The following COL25A1 variants were observed in gnomAD, a reference collection of about 807,000 sequenced individuals.
The protein encoded by COL25A1 is collagen type XXV alpha 1 chain, also known as collagen alpha-1(XXV) chain.
In COL25A1, 103 loss-of-function variants were observed where a neutral mutation model predicts 128.4. The observed-to-expected ratio is 0.80, with a 90% CI of 0.68 to 0.94. COL25A1 has a LOEUF of 0.94. COL25A1 is among the 40% of genes least tolerant of loss of function. The pLI, the probability that COL25A1 is intolerant of heterozygous loss-of-function variation, is 0.00. For missense variants in COL25A1, 745 were observed against 840.0 expected (o/e 0.89, Z 1.40); for synonymous variants, 279 against 277.2 (o/e 1.01, Z -0.06).
chr4:109,220,679 T>C (rs551709473), intron 3 of COL25A1, among the ~76,000 whole-genome samples: 3 of 152,304 alleles, frequency 2.0e-5, no homozygotes, highest in South Asian at 2.1e-4. Context: ...ACTAAGATTA[T>C]AATAATAGGA....
chr4:109,230,692 G>T (rs1779105618), intron 3 of COL25A1, among the ~76,000 whole-genome samples: 1 of 152,088 alleles, frequency 6.6e-6, no homozygotes, highest in Non-Finnish European at 1.5e-5. Flanking sequence ...AAAATAAAAT[G>T]AAATAATAAA....
rs1027641152 is a variant in COL25A1, at chr4:109,157,606, T to G, written c.368-107427A>C. Reference sequence around the variant, plus strand: ...GATAATCACTTCTCTTAAGGAGAGATAGTAATACATTCAAAAGCATGTTAA... The same window carrying G: ...GATAATCACTTCTCTTAAGGAGAGAGAGTAATACATTCAAAAGCATGTTAA... On this transcript the variant is annotated intron_variant, in intron 3 of 37. Transcript: ENST00000399132. Among the ~76,000 whole-genome samples, 60 of 152,326 alleles carry G rather than the reference T, an allele frequency of 3.9e-4. 1 individual carries two copies. The highest frequency in any genetic ancestry group is 2.1e-4 in the South Asian group (1 of 4,830).
At position 109,050,320 on chromosome 4, in the gene COL25A1, A is replaced by T. The variant is rs940599433; in HGVS notation, c.368-141T>A. ...AAGGGATCAGATATTTGTAAAGGTC[A>T]GTATTGTCTTTAGTGTTTCAGCAAA... is the stretch of plus-strand genomic sequence containing the variant. On this transcript the variant is annotated intron_variant, in intron 3 of 37. Transcript: ENST00000399132. 4.3e-5 allele frequency: 26 copies of T among 603,502 alleles called. No individual in the cohort carries two copies. In the Middle Eastern group the frequency reaches 1.8e-3, roughly 43 times the overall value. The allele number at this position is 603,502 out of a possible 1,614,324, so 37.4% of individuals were successfully genotyped here. A position where few individuals can be genotyped will look rare whatever the true frequency, so the allele number is the denominator to read the frequency against.
intron 35 of COL25A1, chr4:108,823,918 A>T: frequency 7.2e-7 from 1 of 1,393,262 alleles, no homozygotes. Context: ...AATTGGTGTC[A>T]GGTGGTTGAA....
chr4:109,254,223 C>A (rs986710249), intron 3 of COL25A1, among the ~76,000 whole-genome samples: 10 of 151,558 alleles, frequency 6.6e-5, no homozygotes, highest in Admixed American at 2.0e-4. Context: ...TTCTTAATCA[C>A]TAACATAATT....
chr4:108,937,404 G>A (rs1022638083), intron 11 of COL25A1, among the ~76,000 whole-genome samples: 1 of 152,006 alleles, frequency 6.6e-6, no homozygotes, highest in Middle Eastern at 3.2e-3. Context: ...ATATTCAACA[G>A]TAGAAAAATT....
chr4:109,050,046 C>G, intron 4 of COL25A1, 89 bp downstream of exon 4: 1 of 1,084,700 alleles, frequency 9.2e-7, no homozygotes, highest in Non-Finnish European at 1.4e-6. Context: ...TAACCTCCAA[C>G]AAGACAATAT....
chr4:109,115,263 C>T (rs914837288), intron 3 of COL25A1, among the ~76,000 whole-genome samples: 1 of 151,988 alleles, frequency 6.6e-6, no homozygotes, highest in African/African-American at 2.4e-5. Context: ...TCTCCACTTC[C>T]AGATATTATT....
At chr4:108,875,758 C>A (rs879754693) in intron 19 of COL25A1, among the ~76,000 whole-genome samples, 1 of 152,170 alleles carries the variant, frequency 6.6e-6, no homozygotes, top group African/African-American at 2.4e-5. Flanking sequence ...AAGGCACATG[C>A]ACACATATGT....
At position 109,137,984 on chromosome 4, in the gene COL25A1, A is replaced by ATATGTGTGTGTGTGTGTGTGTG. The variant is rs547874075; in HGVS notation, c.368-87806_368-87805insCACACACACACACACACACATA. Among the ~76,000 whole-genome samples, 344 of 142,572 alleles carry ATATGTGTGTGTGTGTGTGTGTG rather than the reference A, an allele frequency of 2.4e-3. 1 individual carries two copies. The highest frequency in any genetic ancestry group is 3.4e-3 in the Admixed American group (47 of 13,930). The allele number at this position is 142,572 out of a possible 152,430, so 93.5% of individuals were successfully genotyped here. ...AACAGAAATTTCATTTTATATATAT[A>ATATGTGTGTGTGTGTGTGTGTG]TGTGTGTGTGTGTGTGTGTGTGTGT... On this transcript the variant is annotated intron_variant, in intron 3 of 37. Coordinates refer to ENST00000399132, the MANE Select transcript of COL25A1 (RefSeq NM_198721.4).
At chr4:109,261,071 A>C (rs1036911444) in intron 3 of COL25A1, among the ~76,000 whole-genome samples, 7 of 152,240 alleles carry the variant, frequency 4.6e-5, no homozygotes, top group African/African-American at 1.7e-4. Context: ...GAAGTGCTTA[A>C]GCAGCCTTAC....
intron 15 of COL25A1, 115 bp downstream of exon 15, chr4:108,899,037 ACC>A: frequency 5.9e-6 from 5 of 843,244 alleles, no homozygotes; most frequent in Non-Finnish European, 9.5e-6. Flanking sequence ...CTATTAATCT[ACC>A]CACCCACCCA....
intron 3 of COL25A1, among the ~76,000 whole-genome samples, chr4:109,107,841 C>T (rs1766591219): frequency 1.3e-5 from 2 of 152,190 alleles, no homozygotes; most frequent in African/African-American, 4.8e-5. Context: ...TTCTTTTTCT[C>T]ACTGTGGGCA....
rs774216117 is a variant in COL25A1, at chr4:108,860,992, A to G, written c.1198-21T>C. 5.0e-6 allele frequency: 8 copies of G among 1,611,252 alleles called. No homozygotes were observed. In the South Asian group the frequency reaches 8.8e-5, roughly 18 times the overall value. On this transcript the variant is annotated intron_variant, in intron 22 of 37. Transcript: ENST00000399132. ...TCCCCCTTTTCCCGTTGGAAAGAGA[A>G]AAAACTTAATCAGAAGTGGGGGAAT...
chr4:109,221,602 G>A (rs1560891653), intron 3 of COL25A1, among the ~76,000 whole-genome samples: 1 of 152,146 alleles, frequency 6.6e-6, no homozygotes, highest in Admixed American at 6.5e-5. Context: ...ATGAAACATA[G>A]ATAGAAAATA....
chr4:109,228,612 C>T (rs950448887), intron 3 of COL25A1, among the ~76,000 whole-genome samples: 1 of 152,126 alleles, frequency 6.6e-6, no homozygotes, highest in Non-Finnish European at 1.5e-5. Context: ...TCTCAACATT[C>T]GGGATTATGG....
At chr4:109,150,160 G>A (rs1415935132) in intron 3 of COL25A1, among the ~76,000 whole-genome samples, 1 of 152,044 alleles carries the variant, frequency 6.6e-6, no homozygotes, top group Non-Finnish European at 1.5e-5. Flanking sequence ...TGAACAAACT[G>A]GTTGCTATTA....
chr4:109,198,204 G>A (rs942957035), intron 3 of COL25A1, among the ~76,000 whole-genome samples: 3 of 151,768 alleles, frequency 2.0e-5, no homozygotes, highest in East Asian at 1.9e-4. Flanking sequence ...AGACAGGCCA[G>A]GAGGGCCCTC....
intron 3 of COL25A1, among the ~76,000 whole-genome samples, chr4:109,130,440 CG>C (rs772024669): frequency 9.9e-5 from 15 of 151,646 alleles, no homozygotes; most frequent in Non-Finnish European, 1.6e-4. Context: ...AAAAAAATAA[CG>C]TAAGAATTCA....
Sources: allele counts gnomAD v4.1 joint callset (sites outside exome capture counted in the v4.1 genomes callset), GRCh38; gene constraint gnomAD v4.1.1; transcripts MANE v1.5; gene names NCBI Gene and HGNC (gene_info 2026-07-23, HGNC 2026-07-21).